Variants in POU2F1 observed in about 807,000 individuals in gnomAD.
POU2F1 encodes POU class 2 homeobox 1.
Under a neutral mutation model 84.9 loss-of-function variants are expected in POU2F1, and 16 were observed. The observed-to-expected ratio is 0.19, with a 90% confidence interval of 0.13 to 0.29. The LOEUF (loss-of-function observed/expected upper bound fraction) is 0.29. Ranked by LOEUF, POU2F1 falls within the 10% of genes least tolerant of loss-of-function variation. POU2F1 has a pLI of 1.00. For missense variants in POU2F1, 738 were observed against 942.6 expected, an observed-to-expected ratio of 0.78 and a Z score of 2.84; for synonymous variants, 368 against 368.3, an observed-to-expected ratio of 1.00 and a Z score of 0.01.
rs1650281818 is a variant in POU2F1 at position 167,415,949 on chromosome 1, A to C, written c.*139A>C. The C allele has an allele frequency of 1.9e-5, 17 of 889,876 alleles. 1 individual carries two copies. The Middle Eastern group carries it at 6.7e-4, about 35-fold the overall frequency. The allele number at this position is 889,876 out of a possible 1,614,324, so 55.1% of individuals were successfully genotyped here. On this transcript the variant is annotated 3_prime_UTR_variant, in exon 16 of 16. Coordinates refer to ENST00000367866, the MANE Select transcript of POU2F1 (RefSeq NM_002697.4). ...GCAAAGGAGAGAAGGGAGAAAAAAA[A>C]AAAAAAACCACACACACCCATACAC... is the stretch of plus-strand genomic sequence containing the variant.
Position 167,414,759 on chromosome 1 carries a change from A to C in POU2F1, c.1991-741A>C, listed in dbSNP as rs536616704. 9 of 964,962 alleles carry C rather than the reference A, an allele frequency of 9.3e-6. No individual in the cohort carries two copies. In the South Asian group the frequency reaches 4.3e-4, roughly 46 times the overall value. The allele number at this position is 964,962 out of a possible 1,614,324, so 59.8% of individuals were successfully genotyped here. A position where few individuals can be genotyped will look rare whatever the true frequency, so the allele number is the denominator to read the frequency against. On this transcript the variant is annotated intron_variant, in intron 15 of 15. Coordinates refer to ENST00000367866, the MANE Select transcript of POU2F1 (RefSeq NM_002697.4). Reference sequence around the variant, plus strand: ...TCATTCTCCTTTGCACAAGTCATAGAAATCAAGTATTTAGCCTCAGGAAGT... The same window carrying C: ...TCATTCTCCTTTGCACAAGTCATAGCAATCAAGTATTTAGCCTCAGGAAGT...
intron 1 of POU2F1, among the ~76,000 whole-genome samples, chr1:167,234,747 A>G (rs908341180): frequency 2.0e-5 from 3 of 152,124 alleles, no homozygotes; most frequent in African/African-American, 4.8e-5. Flanking sequence ...AAACAAATAT[A>G]TATGAAACTG....
chr1:167,360,078 T>G (rs1659253469), intron 2 of POU2F1, among the ~76,000 whole-genome samples: 1 of 152,076 alleles, frequency 6.6e-6, no homozygotes, highest in African/African-American at 2.4e-5. Flanking sequence ...AGTCCTTTTT[T>G]GGATGCACAG....
At chr1:167,375,928 T>C (rs983366447) in intron 6 of POU2F1, 101 bp from the exon 7 acceptor site, 27 of 1,392,114 alleles carry the variant, frequency 1.9e-5, no homozygotes, top group Non-Finnish European at 2.5e-5. Flanking sequence ...TATTTACTCT[T>C]CTTTATTTGG....
intron 9 of POU2F1, 115 bp downstream of exon 9, chr1:167,389,876 AC>A: frequency 8.3e-7 from 1 of 1,210,126 alleles, no homozygotes; most frequent in South Asian, 1.5e-5. Context: ...AATATTTGGG[AC>A]GGGGGACGAA....
intron 1 of POU2F1, among the ~76,000 whole-genome samples, chr1:167,233,279 G>T (rs1649202253): frequency 6.6e-6 from 1 of 151,602 alleles, no homozygotes; most frequent in Admixed American, 6.6e-5. Flanking sequence ...TGGTACCACA[G>T]GCGCACGCAC....
At chr1:167,260,673 G>C (rs546898276) in intron 1 of POU2F1, among the ~76,000 whole-genome samples, 2 of 152,270 alleles carry the variant, frequency 1.3e-5, no homozygotes, top group South Asian at 4.1e-4. Flanking sequence ...ATATACACAT[G>C]TTCTACATTT....
chr1:167,258,257 T>C (rs555991350), intron 1 of POU2F1, among the ~76,000 whole-genome samples: 1 of 152,300 alleles, frequency 6.6e-6, no homozygotes, highest in Non-Finnish European at 1.5e-5. Flanking sequence ...TTCTACTGTT[T>C]CTTATAGCTT....
rs924387839 is a variant in POU2F1 at position 167,257,618 on chromosome 1, T to A, written c.61+36660T>A. Among the ~76,000 whole-genome samples, 5 of 152,318 alleles carry A rather than the reference T, an allele frequency of 3.3e-5. No individual in the cohort carries two copies. In the East Asian group the frequency reaches 9.6e-4, roughly 29 times the overall value. ...TGAAGAAAATGGGAAATGTAAACTG[T>A]AAGTGATTGCATTGTAGGAAATATT... is the stretch of plus-strand genomic sequence containing the variant. On this transcript the variant is annotated intron_variant, in intron 1 of 15. Coordinates refer to ENST00000367866, the MANE Select transcript of POU2F1 (RefSeq NM_002697.4).
chr1:167,385,124 G>A (rs1020941240), intron 8 of POU2F1, among the ~76,000 whole-genome samples: 2 of 152,060 alleles, frequency 1.3e-5, no homozygotes, highest in East Asian at 1.9e-4. Flanking sequence ...CAAAATATTT[G>A]TAAGGCCTAT....
intron 1 of POU2F1, among the ~76,000 whole-genome samples, chr1:167,309,551 C>T (rs1655316356): frequency 6.6e-6 from 1 of 152,108 alleles, no homozygotes; most frequent in South Asian, 2.1e-4. Context: ...CATCTAATGA[C>T]TTTTGGACTG....
chr1:167,358,929 A>G (rs1659166304), intron 2 of POU2F1, among the ~76,000 whole-genome samples: 1 of 151,320 alleles, frequency 6.6e-6, no homozygotes, highest in Admixed American at 6.6e-5. Context: ...TTCTTGTTCC[A>G]TCTTACCAGA....
At chr1:167,235,952 G>A (rs1649418099) in intron 1 of POU2F1, among the ~76,000 whole-genome samples, 1 of 152,128 alleles carries the variant, frequency 6.6e-6, no homozygotes, top group African/African-American at 2.4e-5. Flanking sequence ...TGTACATGTC[G>A]TCAGGTTGCT....
intron 1 of POU2F1, among the ~76,000 whole-genome samples, chr1:167,260,488 T>C (rs957764742): frequency 2.0e-5 from 3 of 152,224 alleles, no homozygotes; most frequent in African/African-American, 7.2e-5. Context: ...TAACGTTTGC[T>C]TTTTTACCTT....
intron 1 of POU2F1, among the ~76,000 whole-genome samples, chr1:167,240,079 TGAAA>T (rs1649788172): frequency 6.6e-6 from 1 of 152,140 alleles, no homozygotes; most frequent in Non-Finnish European, 1.5e-5. Flanking sequence ...TTCTGCCTTC[TGAAA>T]GACTCTACAA....
intron 1 of POU2F1, among the ~76,000 whole-genome samples, chr1:167,307,289 C>T (rs1198739775): frequency 6.6e-6 from 1 of 152,002 alleles, no homozygotes; most frequent in Non-Finnish European, 1.5e-5. Context: ...ATGTGGACTC[C>T]TCTATAAGAT....
chr1:167,288,673 T>C (rs1338531258), intron 1 of POU2F1, among the ~76,000 whole-genome samples: 1 of 152,174 alleles, frequency 6.6e-6, no homozygotes, highest in East Asian at 1.9e-4. Flanking sequence ...GGTGACAGAA[T>C]GAGACCCTGT....
chr1:167,286,293 A>G (rs1483011439), intron 1 of POU2F1, among the ~76,000 whole-genome samples: 5 of 152,110 alleles, frequency 3.3e-5, no homozygotes, highest in Non-Finnish European at 7.4e-5. Flanking sequence ...TTCATGTCAA[A>G]TCAGATACCT....
intron 13 of POU2F1, among the ~76,000 whole-genome samples, chr1:167,407,753 C>G (rs1050100570): frequency 6.6e-6 from 1 of 152,110 alleles, no homozygotes; most frequent in Non-Finnish European, 1.5e-5. Flanking sequence ...TAAAAATTAA[C>G]TGAAATGGAT....
Sources: allele counts gnomAD v4.1 joint callset (sites outside exome capture counted in the v4.1 genomes callset), GRCh38; gene constraint gnomAD v4.1.1; transcripts MANE v1.5; gene names NCBI Gene and HGNC (gene_info 2026-07-23, HGNC 2026-07-21).